RFTN2: variants seen among roughly 807,000 people sequenced by gnomAD.
The protein encoded by RFTN2 is raftlin family member 2.
A neutral mutation model predicts 52.7 loss-of-function variants in RFTN2; 34 were observed. The observed-to-expected ratio is 0.64, with a 90% confidence interval of 0.49 to 0.86. The LOEUF is 0.86. RFTN2 is among the 40% of genes least tolerant of loss of function. The probability of loss-of-function intolerance (pLI) is 0.00; values close to 1 mark genes in which losing one functional copy is unlikely to be tolerated. For synonymous variants in RFTN2, 203 were observed against 217.7 expected, an observed-to-expected ratio of 0.93 and a Z score of 0.59; for missense variants, 536 against 600.1, an observed-to-expected ratio of 0.89 and a Z score of 1.12.
chr2:197,568,735 T>C lies in RFTN2; in HGVS notation c.*3273A>G, dbSNP rs546839239. The C allele has an allele frequency of 2.6e-5, 4 of 152,170 alleles. No homozygotes were observed. In the East Asian group the frequency reaches 5.8e-4, roughly 22 times the overall value. 9.4% of individuals were successfully genotyped at this position (152,170 alleles called of 1,614,324 possible). A position where few individuals can be genotyped will look rare whatever the true frequency, so the allele number is the denominator to read the frequency against. ...GAGAAAGAAATCCTCTTTAGCCATA[T>C]GGGGAGGGAAAGGGCCACAGTCCTT... On this transcript the variant is annotated 3_prime_UTR_variant, in exon 9 of 9. Coordinates refer to ENST00000295049, the MANE Select transcript of RFTN2 (RefSeq NM_144629.3).
At chr2:197,611,162 G>C (rs537801883) in intron 7 of RFTN2, among the ~76,000 whole-genome samples, 1 of 152,258 alleles carries the variant, frequency 6.6e-6, no homozygotes, top group East Asian at 1.9e-4. Context: ...TTTTTCTGTT[G>C]ATTGAGATAA....
At chr2:197,636,208 C>T (rs1216479603) in intron 3 of RFTN2, among the ~76,000 whole-genome samples, 1 of 151,578 alleles carries the variant, frequency 6.6e-6, no homozygotes, top group South Asian at 2.1e-4. Flanking sequence ...CTTAGGATTG[C>T]CTTGGCGACG....
At chr2:197,665,833 G>T (rs1217775032) in intron 1 of RFTN2, among the ~76,000 whole-genome samples, 2 of 151,914 alleles carry the variant, frequency 1.3e-5, no homozygotes, top group Non-Finnish European at 2.9e-5. Flanking sequence ...TATGTTCTTT[G>T]TTCCTTTGTT....
At chr2:197,601,405 G>A (rs1337923715) in intron 7 of RFTN2, among the ~76,000 whole-genome samples, 1 of 152,182 alleles carries the variant, frequency 6.6e-6, no homozygotes, top group Non-Finnish European at 1.5e-5. Flanking sequence ...AGTCCTTTCT[G>A]TGTACATTAA....
chr2:197,618,438 ACCT>A lies in RFTN2; in HGVS notation c.929-520_929-518del, dbSNP rs1157238579. ...AGTGGCATGATCTCGGCTCGCTACA[ACCT>A]CCACCTCCCAGCAGCCTGCCTTGGC... On this transcript the variant is annotated intron_variant, in intron 5 of 8. Coordinates refer to ENST00000295049, the MANE Select transcript of RFTN2 (RefSeq NM_144629.3). 2.0e-5 allele frequency among the ~76,000 whole-genome samples: 3 copies of A among 151,276 alleles called. No individual in the cohort carries two copies. In the East Asian group the frequency reaches 5.8e-4, roughly 29 times the overall value.
chr2:197,626,672 AG>A (rs1304417266), intron 5 of RFTN2, among the ~76,000 whole-genome samples: 2 of 120,514 alleles, frequency 1.7e-5, no homozygotes, highest in East Asian at 5.2e-4. Flanking sequence ...CCTGGGCTAG[AG>A]TGCAGTGGTG....
At chr2:197,625,789 TC>T (rs2088349952) in intron 5 of RFTN2, among the ~76,000 whole-genome samples, 1 of 147,880 alleles carries the variant, frequency 6.8e-6, no homozygotes, top group African/African-American at 2.5e-5. Flanking sequence ...TTTCCTTTCT[TC>T]TTTTTTTGAG....
intron 3 of RFTN2, among the ~76,000 whole-genome samples, chr2:197,640,146 G>A (rs1190049598): frequency 6.6e-6 from 1 of 152,232 alleles, no homozygotes; most frequent in East Asian, 1.9e-4. Context: ...CTTCAAAGCT[G>A]TCAGACAAGG....
intron 2 of RFTN2, among the ~76,000 whole-genome samples, chr2:197,645,042 T>C (rs894932807): frequency 6.6e-6 from 1 of 152,226 alleles, no homozygotes; most frequent in Non-Finnish European, 1.5e-5. Context: ...AAAGTGATTG[T>C]TGTTGATCCA....
chr2:197,663,111 G>T lies in RFTN2; in HGVS notation c.139+12209C>A, dbSNP rs1048551258. On this transcript the variant is annotated intron_variant, in intron 1 of 8. Coordinates refer to ENST00000295049, the MANE Select transcript of RFTN2 (RefSeq NM_144629.3). ...CTATTGAGATAATCATATGTTTTTTGTCCTTCATTCTGTTGATGTGATGTG... is the reference window on the plus strand; with the variant it reads ...CTATTGAGATAATCATATGTTTTTTTTCCTTCATTCTGTTGATGTGATGTG... Among the ~76,000 whole-genome samples the T allele has an allele frequency of 3.0e-4, 46 of 151,896 alleles. 1 individual carries two copies. The highest frequency in any genetic ancestry group is 1.1e-3 in the African/African-American group (45 of 41,364).
At chr2:197,624,537 G>T (rs1196319338) in intron 5 of RFTN2, among the ~76,000 whole-genome samples, 1 of 141,114 alleles carries the variant, frequency 7.1e-6, no homozygotes, top group African/African-American at 2.7e-5. Context: ...GGCGGAGCTT[G>T]CAGTGAGCCA....
rs367984078 is a variant in RFTN2, at chr2:197,572,203, C to T, written c.1311G>A (p.Ser437=). ...GGTGTCTGCTCTCTGCAGGTTGTGACGAGGTTGTGTCTAATCCGATGCTTC... is the reference window on the plus strand; with the variant it reads ...GGTGTCTGCTCTCTGCAGGTTGTGATGAGGTTGTGTCTAATCCGATGCTTC... The part of the protein sequence containing the change: ...TSRSIGLDTT[S]SQPAESRHLP... Residue 437 remains serine (S), a synonymous_variant, in exon 9 of 9, where the codon TCG becomes TCA. Transcript: ENST00000295049. 5.1e-5 allele frequency: 82 copies of T among 1,614,104 alleles called. No homozygotes were observed. The highest frequency in any genetic ancestry group is 1.4e-4 in the South Asian group (13 of 91,092).
At chr2:197,583,691 C>T (rs185981619) in intron 8 of RFTN2, among the ~76,000 whole-genome samples, 52 of 150,650 alleles carry the variant, frequency 3.5e-4, no homozygotes, top group Middle Eastern at 6.9e-3. Context: ...AGGTTTGTTA[C>T]ATATGTATAC....
intron 5 of RFTN2, among the ~76,000 whole-genome samples, chr2:197,620,095 T>C (rs1040645535): frequency 1.3e-5 from 2 of 151,968 alleles, no homozygotes; most frequent in Non-Finnish European, 2.9e-5. Context: ...CTGTTAATAT[T>C]TGAAATTAAA....
In RFTN2 at chr2:197,608,655, T is replaced by C. The variant is rs1181452956; in HGVS notation, c.1154+7221A>G. 7.1e-5 allele frequency among the ~76,000 whole-genome samples: 10 copies of C among 141,740 alleles called. No individual in the cohort carries two copies. In the Admixed American group the frequency reaches 7.3e-4, roughly 10 times the overall value. The allele number at this position is 141,740 out of a possible 152,430, so 93.0% of individuals were successfully genotyped here. On this transcript the variant is annotated intron_variant, in intron 7 of 8. Coordinates refer to ENST00000295049, the MANE Select transcript of RFTN2 (RefSeq NM_144629.3). ...TTTTTTTTTTTTTTTTTTAATACTT[T>C]AAGTTCTGGGGTACATGTGCACAAC...
At chr2:197,590,096 G>A (rs1001552693) in intron 8 of RFTN2, among the ~76,000 whole-genome samples, 1 of 150,726 alleles carries the variant, frequency 6.6e-6, no homozygotes, top group East Asian at 2.0e-4. Context: ...TTTGCAGACA[G>A]GGTTTTGCTG....
chr2:197,571,820 T>C lies in RFTN2; in HGVS notation c.*188A>G, dbSNP rs1302834619. 2 of 597,634 alleles carry C rather than the reference T, an allele frequency of 3.3e-6. No homozygotes were observed. Among genetic ancestry groups the C allele is most frequent in the African/African-American group, 1.9e-5 (1 of 53,852 alleles). The allele number at this position is 597,634 out of a possible 1,614,324, so 37.0% of individuals were successfully genotyped here. A position where few individuals can be genotyped will look rare whatever the true frequency, so the allele number is the denominator to read the frequency against. ...AGAGAAGTGTAAACATGATTCTAAA[T>C]GTATAAATATGTTGGTTATTCTTCC... is the stretch of plus-strand genomic sequence containing the variant. On this transcript the variant is annotated 3_prime_UTR_variant, in exon 9 of 9. Coordinates refer to ENST00000295049, the MANE Select transcript of RFTN2 (RefSeq NM_144629.3).
chr2:197,637,218 C>T (rs1244309795), intron 3 of RFTN2, among the ~76,000 whole-genome samples: 2 of 151,770 alleles, frequency 1.3e-5, no homozygotes, highest in Non-Finnish European at 2.9e-5. Context: ...GGTTGTGTCT[C>T]TGCCCGGCTT....
chr2:197,662,569 A>AT (rs1261840869), intron 1 of RFTN2, among the ~76,000 whole-genome samples: 2 of 151,682 alleles, frequency 1.3e-5, no homozygotes, highest in Non-Finnish European at 2.9e-5. Flanking sequence ...TTTTCCTAAA[A>AT]TTTTTTGGCT....
Sources: gnomAD v4.1 joint callset for allele counts (sites outside exome capture counted in the v4.1 genomes callset) on GRCh38, gnomAD v4.1.1 for gene constraint, MANE v1.5 for transcripts, NCBI Gene and HGNC (gene_info 2026-07-23, HGNC 2026-07-21) for gene names.